DDR2: variants seen among roughly 807,000 people sequenced by gnomAD.
DDR2 encodes discoidin domain receptor tyrosine kinase 2.
Under a neutral mutation model 94.9 loss-of-function variants are expected in DDR2, and 27 were observed. The observed-to-expected ratio is 0.28, with a 90% CI of 0.21 to 0.39. DDR2 has a LOEUF of 0.39. Among genes scored for constraint, DDR2 ranks in the 10% least tolerant of loss-of-function variants. The pLI is 1.00. For missense variants in DDR2, 783 were observed against 1,076.0 expected (o/e 0.73, Z 3.81); for synonymous variants, 382 against 377.2 (o/e 1.01, Z -0.15).
At chr1:162,688,772 G>C (rs1051469445) in intron 2 of DDR2, among the ~76,000 whole-genome samples, 1 of 152,200 alleles carries the variant, frequency 6.6e-6, no homozygotes, top group African/African-American at 2.4e-5. Context: ...CCAGGAAACT[G>C]TCTGGAGAAG....
At chr1:162,661,135 G>A (rs1012928523) in intron 2 of DDR2, among the ~76,000 whole-genome samples, 1 of 152,150 alleles carries the variant, frequency 6.6e-6, no homozygotes, top group South Asian at 2.1e-4. Flanking sequence ...AATTGGTCTG[G>A]ATAATGGTAC....
At chr1:162,642,675 T>C (rs867212651) in intron 1 of DDR2, among the ~76,000 whole-genome samples, 2 of 152,156 alleles carry the variant, frequency 1.3e-5, no homozygotes, top group African/African-American at 4.8e-5. Flanking sequence ...TTCTCCTGGT[T>C]TGACTACAGG....
chr1:162,651,977 C>T (rs926907232), intron 1 of DDR2, among the ~76,000 whole-genome samples: 3 of 152,140 alleles, frequency 2.0e-5, no homozygotes, highest in Admixed American at 2.0e-4. Flanking sequence ...TCCATGAAAC[C>T]GACTGGCTTC....
At chr1:162,753,063 C>T (rs779891206) in intron 3 of DDR2, 32 bp from the exon 4 acceptor site, 6 of 1,574,500 alleles carry the variant, frequency 3.8e-6, no homozygotes, top group East Asian at 2.2e-5. Flanking sequence ...AAACCATGTC[C>T]TCTCTTTTCT....
chr1:162,662,296 A>T (rs1262362958), intron 2 of DDR2, among the ~76,000 whole-genome samples: 1 of 152,218 alleles, frequency 6.6e-6, no homozygotes, highest in Admixed American at 6.5e-5. Flanking sequence ...CCTGAACTGG[A>T]GAGTCAGACA....
chr1:162,746,608 T>C (rs993301092), intron 3 of DDR2, among the ~76,000 whole-genome samples: 5 of 152,174 alleles, frequency 3.3e-5, no homozygotes, highest in African/African-American at 1.2e-4. Context: ...TCTGACAGCT[T>C]TGAAGAGAGT....
chr1:162,716,177 C>T (rs1558042650), intron 2 of DDR2, among the ~76,000 whole-genome samples: 1 of 152,150 alleles, frequency 6.6e-6, no homozygotes. Context: ...GTGTGGGAGA[C>T]ATTCTTTGCA....
chr1:162,742,941 G>C (rs543931895), intron 3 of DDR2, among the ~76,000 whole-genome samples: 1 of 152,060 alleles, frequency 6.6e-6, no homozygotes, highest in Non-Finnish European at 1.5e-5. Context: ...CGGGAAAGAC[G>C]GGCAGGCCCC....
Position 162,774,635 on chromosome 1 carries a change from A to T in DDR2, c.1857-1017A>T, listed in dbSNP as rs115090799. 3.4e-3 allele frequency among the ~76,000 whole-genome samples: 514 copies of T among 152,262 alleles called. 1 individual carries two copies. Among genetic ancestry groups the T allele is most frequent in the African/African-American group, 0.011 (469 of 41,540 alleles). ...TATTAATCTTAGCACATGATTGGAG[A>T]AAGTGGCATGAGGGGAAACAAAACC... is the stretch of plus-strand genomic sequence containing the variant. On this transcript the variant is annotated intron_variant, in intron 14 of 17. Transcript: ENST00000367921.
chr1:162,780,278 T>C lies in DDR2; in HGVS notation c.*32T>C, dbSNP rs1571330289. On this transcript the variant is annotated 3_prime_UTR_variant, in exon 18 of 18. Coordinates refer to ENST00000367921, the MANE Select transcript of DDR2 (RefSeq NM_006182.4). ...CAGTGCCTGGCCATGTTCCTACGGCTCAGGTCCTCCCTACAAGACCTACCA... is the reference window on the plus strand; with the variant it reads ...CAGTGCCTGGCCATGTTCCTACGGCCCAGGTCCTCCCTACAAGACCTACCA... 1 of 1,613,498 alleles carries C rather than the reference T, an allele frequency of 6.2e-7. No individual in the cohort carries two copies. Among genetic ancestry groups the C allele is most frequent in the South Asian group, 1.1e-5 (1 of 91,076 alleles).
At chr1:162,635,556 A>T (rs1571122913) in intron 1 of DDR2, among the ~76,000 whole-genome samples, 1 of 152,296 alleles carries the variant, frequency 6.6e-6, no homozygotes, top group South Asian at 2.1e-4. Flanking sequence ...ACACAGACAC[A>T]CTGGACTCTT....
intron 2 of DDR2, among the ~76,000 whole-genome samples, chr1:162,701,955 T>C (rs967183470): frequency 6.6e-6 from 1 of 152,192 alleles, no homozygotes; most frequent in Non-Finnish European, 1.5e-5. Context: ...TCCCCTTGTT[T>C]TCTTGGTAGG....
chr1:162,776,975 T>C (rs570234768), intron 16 of DDR2, among the ~76,000 whole-genome samples: 2 of 152,302 alleles, frequency 1.3e-5, no homozygotes, highest in African/African-American at 4.8e-5. Context: ...CATTAGACTA[T>C]ACACTTTTAC....
chr1:162,682,438 T>C (rs1659456936), intron 2 of DDR2, among the ~76,000 whole-genome samples: 2 of 152,330 alleles, frequency 1.3e-5, no homozygotes, highest in South Asian at 4.1e-4. Flanking sequence ...GAACTGGAAC[T>C]TTACTTCTCT....
chr1:162,724,521 C>A (rs1231803056), intron 3 of DDR2, among the ~76,000 whole-genome samples: 1 of 152,188 alleles, frequency 6.6e-6, no homozygotes, highest in Admixed American at 6.5e-5. Flanking sequence ...TTCCCTTCTG[C>A]ACCAGGTTGT....
chr1:162,693,021 A>G (rs1157139197), intron 2 of DDR2, among the ~76,000 whole-genome samples: 1 of 152,236 alleles, frequency 6.6e-6, no homozygotes, highest in Non-Finnish European at 1.5e-5. Context: ...ATAGAACTAC[A>G]TGGATGAACC....
chr1:162,711,232 G>A (rs776992005), intron 2 of DDR2, among the ~76,000 whole-genome samples: 9 of 152,192 alleles, frequency 5.9e-5, no homozygotes, highest in Non-Finnish European at 1.0e-4. Flanking sequence ...AAGGAACCCA[G>A]CACTGGATTC....
chr1:162,673,880 G>A (rs1287523104), intron 2 of DDR2, among the ~76,000 whole-genome samples: 1 of 152,008 alleles, frequency 6.6e-6, no homozygotes, highest in African/African-American at 2.4e-5. Context: ...AAGGCAGTGT[G>A]GTAGAGTAGA....
intron 2 of DDR2, among the ~76,000 whole-genome samples, chr1:162,703,355 A>G (rs991847992): frequency 6.6e-6 from 1 of 152,188 alleles, no homozygotes; most frequent in African/African-American, 2.4e-5. Context: ...AGTTCAGAGA[A>G]GGGAAGGTAA....
Sources: gnomAD v4.1 joint callset for allele counts (sites outside exome capture counted in the v4.1 genomes callset) on GRCh38, gnomAD v4.1.1 for gene constraint, MANE v1.5 for transcripts, NCBI Gene and HGNC (gene_info 2026-07-23, HGNC 2026-07-21) for gene names.